AGBL5: variants seen among roughly 807,000 people sequenced by gnomAD.
AGBL5 encodes the protein cytosolic carboxypeptidase-like protein 5.
In AGBL5, 51 loss-of-function variants were observed where a neutral mutation model predicts 88.0. That is an observed-to-expected ratio of 0.58 (90% CI 0.46 to 0.73). The LOEUF is 0.73. Ranked by LOEUF, AGBL5 falls within the 30% of genes least tolerant of loss-of-function variation. The probability of loss-of-function intolerance (pLI) is 0.00; values close to 1 mark genes in which losing one functional copy is unlikely to be tolerated. For synonymous variants in AGBL5, 446 were observed against 438.8 expected (o/e 1.02, Z -0.21); for missense variants, 1,031 against 1,162.2 (o/e 0.89, Z 1.64).
chr2:27,070,029 T>G, intron 14 of AGBL5, 63 bp from the exon 15 acceptor site: 1 of 1,556,660 alleles, frequency 6.4e-7, no homozygotes, highest in South Asian at 1.2e-5. Flanking sequence ...CAGCCCCTGG[T>G]TAGCAGAACA....
At chr2:27,054,402 C>G in intron 4 of AGBL5, 4 of 584,796 alleles carry the variant, frequency 6.8e-6, no homozygotes, top group South Asian at 4.6e-5. Context: ...GTAATCTATT[C>G]TAGGAAGCCA....
At chr2:27,066,484 G>A (rs1558424052) in intron 11 of AGBL5, among the ~76,000 whole-genome samples, 1 of 152,160 alleles carries the variant, frequency 6.6e-6, no homozygotes, top group African/African-American at 2.4e-5. Context: ...GGGCTACAGA[G>A]TGATTTGGGA....
chr2:27,053,828 T>C lies in AGBL5; in HGVS notation c.388-68T>C. ...ATAAGGGTGTGAGGTCAGTTCCTGG[T>C]GGTCCCAGTAGGAGCTCAGTTCTGA... On this transcript the variant is annotated intron_variant, in intron 3 of 14. Coordinates refer to ENST00000360131, the MANE Select transcript of AGBL5 (RefSeq NM_021831.6). This position sits in a 1 kb window ranked among gnomAD's most constrained non-coding sequence, Gnocchi z 4.9. The C allele has an allele frequency of 6.5e-7, 1 of 1,542,864 alleles. No homozygotes were observed. The highest frequency in any genetic ancestry group is 2.3e-5 in the East Asian group (1 of 44,050).
In AGBL5 at chr2:27,055,156, C is replaced by T. The variant is rs764430159; in HGVS notation, c.811C>T (p.Arg271Ter). ...CAATGGCTTTCTGGACTTCATCCTC[C>T]GACCTGATGATCCCCGGGCCCAAAC... is the stretch of plus-strand genomic sequence containing the variant. ...VFNGFLDFIL[R>*]PDDPRAQTLR... The change falls in exon 6 of 15, where the codon CGA (arginine) becomes TGA (stop). Residue 271 changes from arginine to a stop codon, truncating the protein, a stop_gained. Coordinates refer to ENST00000360131, the MANE Select transcript of AGBL5 (RefSeq NM_021831.6). LOFTEE classifies it high-confidence loss of function. 5 of 1,614,092 alleles carry T rather than the reference C, an allele frequency of 3.1e-6. No individual in the cohort carries two copies. The highest frequency in any genetic ancestry group is 4.2e-6 in the Non-Finnish European group (5 of 1,180,038).
At chr2:27,055,550 C>G in intron 6 of AGBL5, 132 bp from the exon 7 acceptor site, 1 of 926,710 alleles carries the variant, frequency 1.1e-6, no homozygotes, top group South Asian at 1.8e-5. Flanking sequence ...GTCTTCAATT[C>G]TTTCTTTCCT....
At chr2:27,058,090 A>T (rs1297516737) in intron 9 of AGBL5, among the ~76,000 whole-genome samples, 2 of 152,074 alleles carry the variant, frequency 1.3e-5, no homozygotes, top group African/African-American at 4.8e-5. Context: ...AAAAAAAAAA[A>T]AGTAGATCTG....
chr2:27,059,786 A>G (rs1668622801), intron 11 of AGBL5, among the ~76,000 whole-genome samples: 1 of 152,176 alleles, frequency 6.6e-6, no homozygotes, highest in South Asian at 2.1e-4. Context: ...GCAGTACTGT[A>G]GAATGATGGG....
At chr2:27,065,700 T>A (rs1285667398) in intron 11 of AGBL5, among the ~76,000 whole-genome samples, 2 of 152,114 alleles carry the variant, frequency 1.3e-5, no homozygotes, top group Non-Finnish European at 2.9e-5. Flanking sequence ...AGGATGAAGG[T>A]AATGAGAAGA....
At chr2:27,056,409 TGGAG>T (rs949360361) in intron 7 of AGBL5, 1 of 612,744 alleles carries the variant, frequency 1.6e-6, no homozygotes, top group South Asian at 2.6e-5. Context: ...TTTGCATTGT[TGGAG>T]GGAGGAAGCT....
Position 27,068,552 on chromosome 2 carries a change from G to A in AGBL5, c.2243-80G>A. On this transcript the variant is annotated intron_variant, in intron 12 of 14. Coordinates refer to ENST00000360131, the MANE Select transcript of AGBL5 (RefSeq NM_021831.6). ...CCAACCCAAATTGTCAACGTGCCAAGGTTAAGAAACCCTGATCCTTTGGAA... is the reference window on the plus strand; with the variant it reads ...CCAACCCAAATTGTCAACGTGCCAAAGTTAAGAAACCCTGATCCTTTGGAA... The A allele has an allele frequency of 4.6e-6, 6 of 1,302,300 alleles. No homozygotes were observed. In the East Asian group the frequency reaches 1.4e-4, roughly 31 times the overall value. The allele number at this position is 1,302,300 out of a possible 1,614,324, so 80.7% of individuals were successfully genotyped here.
At chr2:27,066,715 T>G (rs1478216486) in intron 11 of AGBL5, among the ~76,000 whole-genome samples, 1 of 151,352 alleles carries the variant, frequency 6.6e-6, no homozygotes, top group East Asian at 1.9e-4. Context: ...GAGGCGGAGG[T>G]GGGTGGATCT....
At chr2:27,064,634 A>G (rs1006305419) in intron 11 of AGBL5, among the ~76,000 whole-genome samples, 6 of 149,426 alleles carry the variant, frequency 4.0e-5, no homozygotes, top group Admixed American at 6.7e-5. Flanking sequence ...GGTACCCAGC[A>G]TATCTCCTCA....
chr2:27,059,565 C>G, intron 11 of AGBL5, 161 bp downstream of exon 11: 1 of 1,478,272 alleles, frequency 6.8e-7, no homozygotes, highest in African/African-American at 1.4e-5. Flanking sequence ...CCTTGGTGTT[C>G]CCTGCGGCAT....
Position 27,054,728 on chromosome 2 carries a change from GAGA to G in AGBL5, c.654_656del (p.Glu218del). On this transcript the variant is annotated inframe_deletion, in exon 5 of 15. Coordinates refer to ENST00000360131, the MANE Select transcript of AGBL5 (RefSeq NM_021831.6). ...ACGATCACTTCCTGCCATGGGCTTC[GAGA>G]AGATCGAGAGCCCCGTCTAGAGCAG... 1 of 1,613,882 alleles carries G rather than the reference GAGA, an allele frequency of 6.2e-7. No homozygotes were observed. Among genetic ancestry groups the G allele is most frequent in the Non-Finnish European group, 8.5e-7 (1 of 1,179,938 alleles).
At chr2:27,059,727 A>T (rs1485892746) in intron 11 of AGBL5, among the ~76,000 whole-genome samples, 1 of 152,190 alleles carries the variant, frequency 6.6e-6, no homozygotes. Flanking sequence ...GGACAATGTC[A>T]GTCTGTCTTC....
chr2:27,051,066 C>T (rs1166593398), upstream of AGBL5: 2 of 152,188 alleles, frequency 1.3e-5, no homozygotes, highest in South Asian at 2.1e-4. Flanking sequence ...CTTAAGCACA[C>T]GATTATATGC....
upstream of AGBL5, chr2:27,050,909 TC>T (rs1572805510): frequency 1.3e-5 from 2 of 152,188 alleles, no homozygotes; most frequent in African/African-American, 4.8e-5. Flanking sequence ...AATTCAATTA[TC>T]CCATAAGGGG....
intron 11 of AGBL5, among the ~76,000 whole-genome samples, chr2:27,060,381 AAAG>A (rs1359883117): frequency 6.6e-6 from 1 of 152,344 alleles, no homozygotes; most frequent in African/African-American, 2.4e-5. Context: ...CTTTAGGGAA[AAAG>A]AAGAGAAAAT....
At chr2:27,064,185 G>A (rs1350881507) in intron 11 of AGBL5, among the ~76,000 whole-genome samples, 1 of 152,106 alleles carries the variant, frequency 6.6e-6, no homozygotes, top group Non-Finnish European at 1.5e-5. Context: ...TGTCATTGGT[G>A]GTAGCTAATG....
Sources: gnomAD v4.1 joint callset for allele counts (sites outside exome capture counted in the v4.1 genomes callset) on GRCh38, gnomAD v4.1.1 for gene constraint, Gnocchi (gnomAD v3.1) non-coding constraint, MANE v1.5 for transcripts, NCBI Gene and HGNC (gene_info 2026-07-23, HGNC 2026-07-21) for gene names.